The following MAGT1 variants were observed in gnomAD, a reference collection of about 807,000 sequenced individuals.
The protein encoded by MAGT1 is dolichyl-diphosphooligosaccharide--protein glycosyltransferase subunit MAGT1.
A neutral mutation model predicts 28.4 loss-of-function variants in MAGT1; 4 were observed. The observed-to-expected ratio is 0.14, with a 90% CI of 0.07 to 0.32. MAGT1 has a LOEUF of 0.32. Among genes scored for constraint, MAGT1 ranks in the 10% least tolerant of loss-of-function variants. MAGT1 has a pLI of 1.00. For synonymous variants in MAGT1, 89 were observed against 89.7 expected (o/e 0.99, Z 0.04); for missense variants, 193 against 264.5 (o/e 0.73, Z 1.88).
chrX:77,874,558 T>C (rs781963587), intron 2 of MAGT1, among the ~76,000 whole-genome samples: 1 of 101,547 alleles, frequency 9.8e-6, no homozygotes, highest in African/African-American at 3.6e-5. Context: ...ATCACGCCAC[T>C]GCACTCCAGC....
At position 77,826,963 on chromosome X, in the gene MAGT1, T is replaced by C. The variant is rs781859217; in HGVS notation, c.*2257A>G. 1 of 112,081 alleles carries C rather than the reference T, an allele frequency of 8.9e-6. No individual in the cohort carries two copies. The highest frequency in any genetic ancestry group is 2.8e-4 in the East Asian group (1 of 3,604). The allele number at this position is 112,081 out of a possible 1,213,427, so 9.2% of individuals were successfully genotyped here. On this transcript the variant is annotated 3_prime_UTR_variant, in exon 10 of 10. Coordinates refer to ENST00000618282, the MANE Select transcript of MAGT1 (RefSeq NM_001367916.1). ...AGTAACGAAAAACAAAAAACCCACA[T>C]AAAATATTTCTTCTGAGGCTACTAT...
intron 8 of MAGT1, among the ~76,000 whole-genome samples, chrX:77,837,828 C>T (rs1429101647): frequency 7.2e-5 from 8 of 111,299 alleles, no homozygotes; most frequent in African/African-American, 2.0e-4. Context: ...CTGCAACTTC[C>T]GCCTCCTGGG....
chrX:77,852,772 T>C (rs1232048982), intron 7 of MAGT1, among the ~76,000 whole-genome samples: 3 of 110,109 alleles, frequency 2.7e-5, no homozygotes, highest in South Asian at 3.9e-4. Flanking sequence ...TTTGTGTGTA[T>C]TTTTTTGTAG....
At chrX:77,838,038 T>C (rs1557214065) in intron 8 of MAGT1, among the ~76,000 whole-genome samples, 2 of 112,389 alleles carry the variant, frequency 1.8e-5, no homozygotes, top group African/African-American at 6.5e-5. Context: ...CCACGCCTGG[T>C]TGACATTTAA....
intron 1 of MAGT1, 122 bp downstream of exon 1, chrX:77,895,187 G>A: frequency 1.4e-6 from 1 of 730,107 alleles, no homozygotes; most frequent in South Asian, 2.3e-5. Flanking sequence ...TCCGAAAACC[G>A]CGTAATTGAA....
At chrX:77,842,102 A>G (rs2076936605) in intron 7 of MAGT1, among the ~76,000 whole-genome samples, 1 of 109,066 alleles carries the variant, frequency 9.2e-6, no homozygotes. Context: ...TTTCTGAAAA[A>G]TCTCTCCTGG....
chrX:77,857,509 C>T lies in MAGT1; in HGVS notation c.391-12G>A, dbSNP rs782752973. The T allele has an allele frequency of 5.3e-5, 64 of 1,204,517 alleles. No individual in the cohort carries two copies. The highest frequency in any genetic ancestry group is 2.3e-4 in the Middle Eastern group (1 of 4,328). On this transcript the variant is annotated splice_polypyrimidine_tract_variant and intron_variant, in intron 3 of 9. Coordinates refer to ENST00000618282, the MANE Select transcript of MAGT1 (RefSeq NM_001367916.1). ...GAATTCATGTTTAGCTGAATAAAAA[C>T]GAGCCATGAAAATATACATTATCAG... is the stretch of plus-strand genomic sequence containing the variant.
chrX:77,870,593 G>A (rs1371089798), intron 3 of MAGT1, among the ~76,000 whole-genome samples: 1 of 111,131 alleles, frequency 9.0e-6, no homozygotes, highest in African/African-American at 3.3e-5. Context: ...CAATAAAAAT[G>A]TATGTTATTT....
intron 8 of MAGT1, among the ~76,000 whole-genome samples, chrX:77,836,218 G>C (rs948101438): frequency 9.0e-6 from 1 of 111,190 alleles, no homozygotes; most frequent in South Asian, 3.8e-4. Flanking sequence ...AGAGTAGAAG[G>C]ATGGTTACCA....
intron 1 of MAGT1, among the ~76,000 whole-genome samples, chrX:77,887,493 T>G (rs1450487197): frequency 9.0e-6 from 1 of 111,624 alleles, no homozygotes; most frequent in Non-Finnish European, 1.9e-5. Context: ...TGGTTCTTTG[T>G]CAAGAGCCCA....
Position 77,860,151 on chromosome X carries a change from C to G in MAGT1, c.391-2654G>C, listed in dbSNP as rs782368093. ...CCAGGCTGGAGTGCGTTGGCGCAAT[C>G]TTGGCCCACACAATCTCCGCTTCCT... On this transcript the variant is annotated intron_variant, in intron 3 of 9. Transcript: ENST00000618282. Among the ~76,000 whole-genome samples, 236 of 111,771 alleles carry G rather than the reference C, an allele frequency of 2.1e-3. 6 individuals are homozygous for G. The highest frequency in any genetic ancestry group is 4.7e-4 in the Non-Finnish European group (25 of 53,126).
chrX:77,848,955 AG>A (rs2076959487), intron 7 of MAGT1, among the ~76,000 whole-genome samples: 1 of 110,586 alleles, frequency 9.0e-6, no homozygotes, highest in East Asian at 2.8e-4. Flanking sequence ...TCGAGGTTAC[AG>A]TGAGCTATGG....
Position 77,855,478 on chromosome X carries a change from A to G in MAGT1, c.762+23T>C, listed in dbSNP as rs782226281. 119 of 1,136,484 alleles carry G rather than the reference A, an allele frequency of 1.0e-4. No homozygotes were observed. In the South Asian group the frequency reaches 1.9e-3, roughly 18 times the overall value. The allele number at this position is 1,136,484 out of a possible 1,213,427, so 93.7% of individuals were successfully genotyped here. A position where few individuals can be genotyped will look rare whatever the true frequency, so the allele number is the denominator to read the frequency against. On this transcript the variant is annotated intron_variant, in intron 6 of 9. Transcript: ENST00000618282. ...TGAGTTAACTTTGGTCTACAAAGGA[A>G]AGAAATCCCAGACTTCCCTTACCAC...
chrX:77,857,610 G>A (rs970896845), intron 3 of MAGT1, 113 bp from the exon 4 acceptor site: 2 of 929,044 alleles, frequency 2.2e-6, no homozygotes, highest in Non-Finnish European at 3.1e-6. Flanking sequence ...GGTTTAGGTA[G>A]GTTAAGTGAT....
chrX:77,860,651 G>A (rs1003218688), intron 3 of MAGT1, among the ~76,000 whole-genome samples: 11 of 110,345 alleles, frequency 1.0e-4, no homozygotes, highest in Admixed American at 7.7e-4. Flanking sequence ...GTGTGGTGGC[G>A]CATGCCTATA....
At chrX:77,879,236 T>C (rs2077044336) in intron 1 of MAGT1, among the ~76,000 whole-genome samples, 1 of 110,975 alleles carries the variant, frequency 9.0e-6, no homozygotes, top group South Asian at 3.8e-4. Flanking sequence ...TTTGAATTCT[T>C]AGTAGAGACG....
chrX:77,845,246 A>C (rs1557214781), intron 7 of MAGT1, among the ~76,000 whole-genome samples: 1 of 111,102 alleles, frequency 9.0e-6, no homozygotes, highest in African/African-American at 3.3e-5. Context: ...AGTCTGTTTT[A>C]TCAGAGACTA....
chrX:77,844,479 C>A (rs2076944549), intron 7 of MAGT1, among the ~76,000 whole-genome samples: 1 of 110,768 alleles, frequency 9.0e-6, no homozygotes, highest in Non-Finnish European at 1.9e-5. Flanking sequence ...TATTTCTTGC[C>A]TTCTGCTAGC....
chrX:77,879,857 G>A (rs1166756247), intron 1 of MAGT1, among the ~76,000 whole-genome samples: 3 of 41,366 alleles, frequency 7.3e-5, no homozygotes, highest in Admixed American at 7.0e-4. Flanking sequence ...TTTTTTTTTA[G>A]ACAGAGTCTC....
Sources: allele counts gnomAD v4.1 joint callset (sites outside exome capture counted in the v4.1 genomes callset), GRCh38; gene constraint gnomAD v4.1.1; transcripts MANE v1.5; gene names NCBI Gene and HGNC (gene_info 2026-07-23, HGNC 2026-07-21).